The following STK3 variants were observed in gnomAD, a reference collection of about 807,000 sequenced individuals.
The protein encoded by STK3 is serine/threonine kinase 3.
A neutral mutation model predicts 58.0 loss-of-function variants in STK3; 41 were observed. That is an observed-to-expected ratio of 0.71 (90% CI 0.55 to 0.92). The LOEUF is 0.92. STK3 is among the 40% of genes least tolerant of loss of function. The pLI, the probability that STK3 is intolerant of heterozygous loss-of-function variation, is 0.00. For synonymous variants in STK3, 170 were observed against 191.0 expected, an observed-to-expected ratio of 0.89 and a Z score of 0.91; for missense variants, 479 against 602.7, an observed-to-expected ratio of 0.79 and a Z score of 2.15.
At chr8:98,850,236 C>T (rs1836400451) in intron 3 of STK3, among the ~76,000 whole-genome samples, 2 of 152,124 alleles carry the variant, frequency 1.3e-5, no homozygotes, top group African/African-American at 4.8e-5. Flanking sequence ...TTCACAGGGA[C>T]AATCATAGCA....
At chr8:98,349,061 T>C in the STK3 span, among the ~76,000 whole-genome samples, 1 of 152,204 alleles carries the variant, frequency 6.6e-6, no homozygotes, top group Non-Finnish European at 1.5e-5. Flanking sequence ...GACAATAGAA[T>C]ATTATTTGGT....
intron 1 of STK3, among the ~76,000 whole-genome samples, chr8:98,918,550 G>A (rs1341385726): frequency 1.3e-5 from 2 of 152,026 alleles, no homozygotes; most frequent in Admixed American, 6.6e-5. Context: ...CAGGAGGACC[G>A]CTTGAGCCTA....
chr8:98,515,083 T>C (rs1365101167), intron 10 of STK3, among the ~76,000 whole-genome samples: 1 of 152,132 alleles, frequency 6.6e-6, no homozygotes, highest in Non-Finnish European at 1.5e-5. Context: ...CTCTCTTCTC[T>C]AATTCCACTA....
At chr8:98,567,243 C>G (rs1382966096) in intron 8 of STK3, among the ~76,000 whole-genome samples, 1 of 152,162 alleles carries the variant, frequency 6.6e-6, no homozygotes, top group African/African-American at 2.4e-5. Flanking sequence ...GAGACAGGGT[C>G]TAGCTCTGCA....
At position 98,475,249 on chromosome 8, in the gene STK3, G is replaced by C. The variant is rs114024259; in HGVS notation, c.1318-19249C>G. Among the ~76,000 whole-genome samples, 613 of 152,214 alleles carry C rather than the reference G, an allele frequency of 4.0e-3. 1 individual carries two copies. Among genetic ancestry groups the C allele is most frequent in the African/African-American group, 0.014 (589 of 41,526 alleles). ...ATGCTGAGTAGGAGCCGGAAGCTTT[G>C]TGGACTCTCAGGTTCATGCACCTGA... On this transcript the variant is annotated intron_variant, in intron 10 of 10. Transcript: ENST00000419617.
In STK3 at chr8:98,455,962, T is replaced by A; in HGVS notation, c.1356A>T (p.Leu452Phe). 2 of 1,612,650 alleles carry A rather than the reference T, an allele frequency of 1.2e-6. No individual in the cohort carries two copies. Among genetic ancestry groups the A allele is most frequent in the Non-Finnish European group, 1.7e-6 (2 of 1,179,332 alleles). Residue 452 changes from leucine (L) to phenylalanine (F), a missense_variant, in exon 11 of 11, where the codon TTA becomes TTT. By Grantham distance (22) the Leu-to-Phe change is conservative. Coordinates refer to ENST00000419617, the MANE Select transcript of STK3 (RefSeq NM_006281.4). Reference sequence around the variant, plus strand: ...GTTCCATCATGGGGTCCAGTGCTTTTAACCGCATCTGTAGTTCTTCTAAAC... The same window carrying A: ...GTTCCATCATGGGGTCCAGTGCTTTAAACCGCATCTGTAGTTCTTCTAAAC... ...NLSLEELQMR[L>F]KALDPMMERE...
At chr8:98,355,103 G>T in the STK3 span, among the ~76,000 whole-genome samples, 1 of 152,136 alleles carries the variant, frequency 6.6e-6, no homozygotes, top group African/African-American at 2.4e-5. Context: ...ATTTCAATAG[G>T]AATCTTCCAG....
intron 1 of STK3, among the ~76,000 whole-genome samples, chr8:98,443,958 A>G (rs1209086916): frequency 6.6e-6 from 1 of 152,258 alleles, no homozygotes; most frequent in Non-Finnish European, 1.5e-5. Context: ...AGATTTCTTA[A>G]CCATTTGCTT....
intron 10 of STK3, among the ~76,000 whole-genome samples, chr8:98,486,322 C>T (rs574500787): frequency 6.6e-6 from 1 of 152,294 alleles, no homozygotes; most frequent in East Asian, 1.9e-4. Flanking sequence ...TAGCCCCAAT[C>T]TGGTTGGGGA....
chr8:98,648,253 A>G (rs1820559129), intron 6 of STK3, among the ~76,000 whole-genome samples: 1 of 152,190 alleles, frequency 6.6e-6, no homozygotes, highest in African/African-American at 2.4e-5. Flanking sequence ...CTCATCTCAT[A>G]GCAAACAGTG....
At chr8:98,467,548 ATGTGTGTGTG>A (rs61136775) in intron 10 of STK3, among the ~76,000 whole-genome samples, 14 of 148,086 alleles carry the variant, frequency 9.5e-5, no homozygotes, top group Non-Finnish European at 1.9e-4. Flanking sequence ...TATTTAAAAA[ATGTGTGTGTG>A]TGTGTGTGTG....
At chr8:98,411,936 A>G (rs1436705146) in intron 3 of STK3, among the ~76,000 whole-genome samples, 3 of 152,184 alleles carry the variant, frequency 2.0e-5, no homozygotes, top group Admixed American at 2.0e-4. Context: ...TCTTGCTTGC[A>G]GAAGCTGCCA....
intron 1 of STK3, among the ~76,000 whole-genome samples, chr8:98,893,486 G>GAGAAAGAA (rs570277403): frequency 0.015 from 661 of 42,846 alleles, 36 homozygotes; most frequent in African/African-American, 0.021. Flanking sequence ...AAGAAAGAAA[G>GAGAAAGAA]AGAAAGAAAG....
chr8:98,645,787 TATATATATATAC>T (rs1289362040), intron 6 of STK3, among the ~76,000 whole-genome samples: 1 of 151,200 alleles, frequency 6.6e-6, no homozygotes, highest in Non-Finnish European at 1.5e-5. Flanking sequence ...CTTTTCTAAT[TATATATATATAC>T]ATATATAGAT....
intron 8 of STK3, among the ~76,000 whole-genome samples, chr8:98,553,566 G>C (rs999085561): frequency 1.3e-5 from 2 of 152,058 alleles, no homozygotes; most frequent in Non-Finnish European, 2.9e-5. Context: ...ATTATACTTT[G>C]GGACAGGAAA....
intron 10 of STK3, among the ~76,000 whole-genome samples, chr8:98,460,196 G>A (rs987236371): frequency 2.0e-5 from 3 of 152,208 alleles, no homozygotes; most frequent in South Asian, 2.1e-4. Flanking sequence ...AATGTGACCC[G>A]GATGTGAGAC....
At chr8:98,883,747 G>A, downstream of STK3, 1 of 702,852 alleles carries the variant, frequency 1.4e-6, no homozygotes, top group Non-Finnish European at 2.6e-6. Context: ...CTGTCCATGA[G>A]TTGTAACATT....
At chr8:98,795,961 A>T (rs138599983) in intron 1 of STK3, among the ~76,000 whole-genome samples, 2 of 152,348 alleles carry the variant, frequency 1.3e-5, no homozygotes, top group East Asian at 3.9e-4. Flanking sequence ...AACAAATGGA[A>T]AAACATTTCA....
At chr8:98,920,621 G>A (rs145348223) in intron 1 of STK3, among the ~76,000 whole-genome samples, 1 of 152,328 alleles carries the variant, frequency 6.6e-6, no homozygotes, top group African/African-American at 2.4e-5. Flanking sequence ...ATGGGGCTTT[G>A]TTCTTTGATT....
Sources: allele counts gnomAD v4.1 joint callset (sites outside exome capture counted in the v4.1 genomes callset), GRCh38; gene constraint gnomAD v4.1.1; transcripts MANE v1.5; gene names NCBI Gene and HGNC (gene_info 2026-07-23, HGNC 2026-07-21).